The following PLCXD3 variants were observed in gnomAD, a reference collection of about 807,000 sequenced individuals.
PLCXD3 encodes PI-PLC X domain-containing protein 3.
A neutral mutation model predicts 25.5 loss-of-function variants in PLCXD3; 19 were observed. The observed-to-expected ratio is 0.75, with a 90% CI of 0.52 to 1.09. The LOEUF (loss-of-function observed/expected upper bound fraction) is 1.09, where lower values mean the gene tolerates loss of function less well. Among genes scored for constraint, PLCXD3 ranks in the 50% least tolerant of loss-of-function variants. The pLI is 0.00. For synonymous variants in PLCXD3, 174 were observed against 137.6 expected (o/e 1.26, Z -1.85); for missense variants, 411 against 388.1 (o/e 1.06, Z -0.50).
chr5:41,440,037 G>A (rs907555544), intron 1 of PLCXD3, among the ~76,000 whole-genome samples: 8 of 152,024 alleles, frequency 5.3e-5, no homozygotes, highest in Non-Finnish European at 1.0e-4. Context: ...GGAAGGATTC[G>A]CACACAGGTG....
chr5:41,347,571 T>C (rs1039936522), intron 2 of PLCXD3, among the ~76,000 whole-genome samples: 4 of 152,228 alleles, frequency 2.6e-5, no homozygotes, highest in Non-Finnish European at 4.4e-5. Context: ...TGTAGCTGTG[T>C]CTGTGCAAGC....
intron 1 of PLCXD3, among the ~76,000 whole-genome samples, chr5:41,395,243 G>A (rs1214923704): frequency 6.6e-6 from 1 of 151,996 alleles, no homozygotes; most frequent in African/African-American, 2.4e-5. Flanking sequence ...CAATGAACAG[G>A]TTAGAAAGGA....
chr5:41,352,573 C>A (rs1362211752), intron 2 of PLCXD3, among the ~76,000 whole-genome samples: 1 of 152,130 alleles, frequency 6.6e-6, no homozygotes, highest in Non-Finnish European at 1.5e-5. Context: ...TCTGAATGTA[C>A]TTGATTAGAA....
intron 1 of PLCXD3, among the ~76,000 whole-genome samples, chr5:41,488,048 C>T (rs1281209972): frequency 7.0e-6 from 1 of 143,664 alleles, no homozygotes; most frequent in African/African-American, 2.6e-5. Flanking sequence ...GGTATATCTC[C>T]TAAAGCTATC....
chr5:41,424,907 T>A (rs567838860), intron 1 of PLCXD3, among the ~76,000 whole-genome samples: 56 of 152,316 alleles, frequency 3.7e-4, no homozygotes, highest in African/African-American at 1.3e-3. Flanking sequence ...AAATCATACA[T>A]ACCCTTACTA....
chr5:41,499,499 G>A (rs149273680), intron 1 of PLCXD3, among the ~76,000 whole-genome samples: 160 of 151,646 alleles, frequency 1.1e-3, no homozygotes, highest in African/African-American at 3.6e-3. Context: ...TAAAGAACAC[G>A]CAAACAAATG....
chr5:41,309,503 C>T lies in PLCXD3; in HGVS notation c.*4114G>A, dbSNP rs147962580. 705 of 152,516 alleles carry T rather than the reference C, an allele frequency of 4.6e-3. 9 individuals carry two copies. The highest frequency in any genetic ancestry group is 0.016 in the African/African-American group (670 of 41,566). 9.4% of individuals were successfully genotyped at this position (152,516 alleles called of 1,614,324 possible). A position where few individuals can be genotyped will look rare whatever the true frequency, so the allele number is the denominator to read the frequency against. On this transcript the variant is annotated 3_prime_UTR_variant, in exon 3 of 3. Coordinates refer to ENST00000377801, the MANE Select transcript of PLCXD3 (RefSeq NM_001005473.3). ...CAATTCAAAGTGAGCACTCTGCCTA[C>T]GGAACTCCTGTTTGGTTGAGTGACC...
intron 1 of PLCXD3, among the ~76,000 whole-genome samples, chr5:41,444,547 C>T (rs367972893): frequency 2.6e-4 from 39 of 152,170 alleles, no homozygotes; most frequent in African/African-American, 9.4e-4. Flanking sequence ...TATTTTGTCC[C>T]CACCACTTAA....
intron 1 of PLCXD3, among the ~76,000 whole-genome samples, chr5:41,466,989 G>C (rs1002579260): frequency 2.0e-5 from 3 of 151,852 alleles, no homozygotes; most frequent in Non-Finnish European, 4.4e-5. Flanking sequence ...CTATATCTTC[G>C]CTATTGTGAA....
At chr5:41,404,193 A>G (rs932314792) in intron 1 of PLCXD3, among the ~76,000 whole-genome samples, 12 of 152,120 alleles carry the variant, frequency 7.9e-5, no homozygotes, top group African/African-American at 2.9e-4. Flanking sequence ...TCACTGTTTA[A>G]TACTCGAGGA....
intron 2 of PLCXD3, among the ~76,000 whole-genome samples, chr5:41,316,727 A>T (rs1327291254): frequency 4.6e-5 from 7 of 152,168 alleles, no homozygotes; most frequent in Non-Finnish European, 8.8e-5. Flanking sequence ...GGAAGTACTC[A>T]TCATGGCTAG....
intron 1 of PLCXD3, among the ~76,000 whole-genome samples, chr5:41,463,336 C>A (rs1747937617): frequency 6.6e-6 from 1 of 151,948 alleles, no homozygotes; most frequent in African/African-American, 2.4e-5. Context: ...ACATGACCAT[C>A]TTGTTGTATC....
rs78642079 is a variant in PLCXD3 at position 41,484,487 on chromosome 5, T to C, written c.103+25937A>G. 9.2e-5 allele frequency among the ~76,000 whole-genome samples: 14 copies of C among 152,312 alleles called. No homozygotes were observed. In the East Asian group the frequency reaches 2.1e-3, roughly 23 times the overall value. ...TGATCAACATTTAGTAAGCAAATAC[T>C]GTTGCCAAATATTACTGTATGCCCT... On this transcript the variant is annotated intron_variant, in intron 1 of 2. Coordinates refer to ENST00000377801, the MANE Select transcript of PLCXD3 (RefSeq NM_001005473.3).
chr5:41,382,310 G>C lies in PLCXD3; in HGVS notation c.328C>G (p.Leu110Val). ...CTGAACAAACCATGAGCAAAATAGA[G>C]TTCATTGTCGGGGTCTCTGGGCTTG... ...STKPRDPDNE[L>V]YFAHGLFSAK... The change falls in exon 2 of 3, where the codon CTC (leucine) becomes GTC (valine). Residue 110 changes from leucine (L) to valine (V), a missense_variant. Transcript: ENST00000377801. The C allele has an allele frequency of 6.2e-7, 1 of 1,613,586 alleles. No individual in the cohort carries two copies.
Position 41,471,807 on chromosome 5 carries a change from C to CTT in PLCXD3, c.103+38616_103+38617insAA, listed in dbSNP as rs1423166930. Reference sequence around the variant, plus strand: ...CTTCCCTTCCCTTCCCTTCCCTTCCCCTCCCCTCCCGTCCCCTCCCCTCCC... The same window carrying CTT: ...CTTCCCTTCCCTTCCCTTCCCTTCCCTTCTCCCCTCCCGTCCCCTCCCCTCCC... On this transcript the variant is annotated intron_variant, in intron 1 of 2. Coordinates refer to ENST00000377801, the MANE Select transcript of PLCXD3 (RefSeq NM_001005473.3). Among the ~76,000 whole-genome samples, 36 of 12,222 alleles carry CTT rather than the reference C, an allele frequency of 2.9e-3. 2 individuals are homozygous for CTT. The highest frequency in any genetic ancestry group is 5.0e-3 in the Admixed American group (5 of 996). The allele number at this position is 12,222 out of a possible 152,430, so 8.0% of individuals were successfully genotyped here. A position where few individuals can be genotyped will look rare whatever the true frequency, so the allele number is the denominator to read the frequency against.
intron 1 of PLCXD3, among the ~76,000 whole-genome samples, chr5:41,393,847 G>A (rs1349124920): frequency 2.0e-5 from 3 of 152,030 alleles, no homozygotes; most frequent in African/African-American, 7.2e-5. Flanking sequence ...GAAGGATGGT[G>A]TGAACCCAGG....
chr5:41,317,567 G>A (rs1743338923), intron 2 of PLCXD3, among the ~76,000 whole-genome samples: 1 of 148,170 alleles, frequency 6.7e-6, no homozygotes, highest in Middle Eastern at 3.4e-3. Context: ...TGACCTTTCA[G>A]ACAAAGAACT....
At chr5:41,338,746 C>G (rs1039684109) in intron 2 of PLCXD3, among the ~76,000 whole-genome samples, 1 of 151,988 alleles carries the variant, frequency 6.6e-6, no homozygotes, top group Admixed American at 6.6e-5. Flanking sequence ...TTCACATAAC[C>G]ACACCATCTG....
At chr5:41,469,642 T>C (rs1049047885) in intron 1 of PLCXD3, among the ~76,000 whole-genome samples, 1 of 152,170 alleles carries the variant, frequency 6.6e-6, no homozygotes. Context: ...TATTGATCTA[T>C]AATTGTTTGT....
Sources: gnomAD v4.1 joint callset for allele counts (sites outside exome capture counted in the v4.1 genomes callset) on GRCh38, gnomAD v4.1.1 for gene constraint, MANE v1.5 for transcripts, NCBI Gene and HGNC (gene_info 2026-07-23, HGNC 2026-07-21) for gene names.